SEC14L1: variants seen among roughly 807,000 people sequenced by gnomAD.
SEC14L1 encodes the protein SEC14-like protein 1.
SEC14L1 carries 48 observed loss-of-function variants against 85.3 expected under a neutral mutation model. The observed-to-expected ratio is 0.56, with a 90% CI of 0.45 to 0.72. The LOEUF (loss-of-function observed/expected upper bound fraction) is 0.72, where lower values mean the gene tolerates loss of function less well. Ranked by LOEUF, SEC14L1 falls within the 30% of genes least tolerant of loss-of-function variation. SEC14L1 has a pLI of 0.00. For missense variants in SEC14L1, 682 were observed against 921.4 expected (o/e 0.74, Z 3.36); for synonymous variants, 391 against 355.5 (o/e 1.10, Z -1.12).
chr17:77,202,339 C>G (rs1434043759), intron 9 of SEC14L1, among the ~76,000 whole-genome samples: 1 of 151,908 alleles, frequency 6.6e-6, no homozygotes, highest in Non-Finnish European at 1.5e-5. Flanking sequence ...AAAAAGGAGG[C>G]TGGGCGCGGT....
At position 77,206,501 on chromosome 17, in the gene SEC14L1, G is replaced by GA. The variant is rs1246205552; in HGVS notation, c.1341+109dup. 8.5e-5 allele frequency: 117 copies of GA among 1,383,580 alleles called. No individual in the cohort carries two copies. The highest frequency in any genetic ancestry group is 9.9e-5 in the Admixed American group (4 of 40,462). The allele number at this position is 1,383,580 out of a possible 1,614,324, so 85.7% of individuals were successfully genotyped here. ...GTGACCTAAAGTCTTAACTTCTTAG[G>GA]AAAAAAAACAATAACATGCAAAGAT... On this transcript the variant is annotated intron_variant, in intron 12 of 16. Coordinates refer to ENST00000436233, the MANE Select transcript of SEC14L1 (RefSeq NM_001143998.2). The surrounding 1 kb of genome is among the most constrained non-coding windows in gnomAD (Gnocchi z 4.3).
chr17:77,143,690 G>A (rs370628215), intron 3 of SEC14L1, 31 bp downstream of exon 3: 1 of 1,489,808 alleles, frequency 6.7e-7, no homozygotes. Flanking sequence ...TTTACTCTTT[G>A]GCTTCTTATT....
intron 3 of SEC14L1, among the ~76,000 whole-genome samples, chr17:77,126,660 C>T (rs139497794): frequency 5.3e-5 from 8 of 152,330 alleles, no homozygotes; most frequent in African/African-American, 1.7e-4. Flanking sequence ...TCCAGGTGCA[C>T]GGGAACCTTG....
At chr17:77,166,726 CT>C (rs1432353351) in intron 3 of SEC14L1, among the ~76,000 whole-genome samples, 1 of 152,114 alleles carries the variant, frequency 6.6e-6, no homozygotes, top group Non-Finnish European at 1.5e-5. Flanking sequence ...GTAGTCCCAG[CT>C]ACTTCAGAGG....
At chr17:77,134,351 G>A (rs1297521380) in intron 3 of SEC14L1, among the ~76,000 whole-genome samples, 1 of 151,594 alleles carries the variant, frequency 6.6e-6, no homozygotes, top group Non-Finnish European at 1.5e-5. Context: ...CTGGGTTCAA[G>A]TGATCCTACT....
intron 3 of SEC14L1, among the ~76,000 whole-genome samples, chr17:77,188,578 C>A (rs1975378227): frequency 1.3e-5 from 2 of 152,080 alleles, no homozygotes; most frequent in Non-Finnish European, 2.9e-5. Flanking sequence ...TTTCCAGTTT[C>A]TATTATGAGT....
At chr17:77,181,491 C>T (rs1975035057) in intron 3 of SEC14L1, among the ~76,000 whole-genome samples, 1 of 152,244 alleles carries the variant, frequency 6.6e-6, no homozygotes, top group South Asian at 2.1e-4. Context: ...CAGCTCACTG[C>T]ATCCTCCGCC....
At position 77,214,886 on chromosome 17, in the gene SEC14L1, G is replaced by T. The variant is rs1976963152; in HGVS notation, c.*863G>T. 10 of 985,458 alleles carry T rather than the reference G, an allele frequency of 1.0e-5. No homozygotes were observed. Among genetic ancestry groups the T allele is most frequent in the Non-Finnish European group, 1.2e-5 (10 of 829,970 alleles). 61.0% of individuals were successfully genotyped at this position (985,458 alleles called of 1,614,324 possible). A position where few individuals can be genotyped will look rare whatever the true frequency, so the allele number is the denominator to read the frequency against. ...CCTCTGGTGGCTCATTGTCCTCAGA[G>T]CCCAGACAGTTCCAGCCACTAGGAG... On this transcript the variant is annotated 3_prime_UTR_variant, in exon 17 of 17. Coordinates refer to ENST00000436233, the MANE Select transcript of SEC14L1 (RefSeq NM_001143998.2).
At chr17:77,189,184 C>T (rs1007840554) in intron 3 of SEC14L1, among the ~76,000 whole-genome samples, 14 of 152,128 alleles carry the variant, frequency 9.2e-5, no homozygotes, top group Non-Finnish European at 1.8e-4. Context: ...AATGAGTGTT[C>T]TCATGAGCTG....
intron 3 of SEC14L1, among the ~76,000 whole-genome samples, chr17:77,097,083 G>A (rs1452823602): frequency 6.6e-6 from 1 of 152,248 alleles, no homozygotes; most frequent in African/African-American, 2.4e-5. Flanking sequence ...CCCAGTGCCA[G>A]CTGGTGAGAA....
chr17:77,172,029 G>C (rs931869591), intron 3 of SEC14L1, among the ~76,000 whole-genome samples: 40 of 152,216 alleles, frequency 2.6e-4, no homozygotes, highest in Middle Eastern at 6.8e-3. Flanking sequence ...TATTTACTGA[G>C]CGGTCCTTAT....
intron 3 of SEC14L1, among the ~76,000 whole-genome samples, chr17:77,149,863 T>G (rs1023533316): frequency 2.6e-5 from 4 of 151,994 alleles, no homozygotes; most frequent in Non-Finnish European, 5.9e-5. Flanking sequence ...TGTGTTTTTT[T>G]TTTTTTTTTT....
chr17:77,204,053 A>G (rs1016576802), intron 10 of SEC14L1, among the ~76,000 whole-genome samples: 4 of 152,026 alleles, frequency 2.6e-5, no homozygotes, highest in African/African-American at 9.7e-5. Context: ...CTGCTGACCC[A>G]TCATCTCGCT....
At chr17:77,179,244 C>T (rs1420936914) in intron 3 of SEC14L1, among the ~76,000 whole-genome samples, 7 of 152,092 alleles carry the variant, frequency 4.6e-5, no homozygotes, top group African/African-American at 1.7e-4. Flanking sequence ...TGCTTTATAC[C>T]ATTGCGTGGT....
rs374472562 is a variant in SEC14L1, at chr17:77,216,212, C to T, written c.*2189C>T. The T allele has an allele frequency of 7.9e-4, 717 of 913,366 alleles. 65 individuals carry two copies. The Admixed American group carries it at 0.01, about 13-fold the overall frequency. 56.6% of individuals were successfully genotyped at this position (913,366 alleles called of 1,614,324 possible). A position where few individuals can be genotyped will look rare whatever the true frequency, so the allele number is the denominator to read the frequency against. The stretch of plus-strand genomic sequence containing the variant: ...TAGTAGGTAGGGCTAGTAGGTAGGG[C>T]TAGTAGGTAGGGTTCGTAGGTAGGG... On this transcript the variant is annotated 3_prime_UTR_variant, in exon 17 of 17. Transcript: ENST00000436233.
chr17:77,092,380 A>G (rs577490), intron 2 of SEC14L1, among the ~76,000 whole-genome samples: 137,046 of 152,112 alleles, frequency 0.9, 61,942 homozygotes, highest in African/African-American at 0.97. Flanking sequence ...TTTTCTGTTG[A>G]ACCCTTCAGG....
At chr17:77,200,950 C>T (rs1340842562) in intron 9 of SEC14L1, among the ~76,000 whole-genome samples, 1 of 152,224 alleles carries the variant, frequency 6.6e-6, no homozygotes, top group Non-Finnish European at 1.5e-5. Context: ...TTGCTCGGTG[C>T]AGTACAGTTT....
At chr17:77,141,695 C>G (rs1054964997) in intron 1 of SEC14L1, 2 of 152,224 alleles carry the variant, frequency 1.3e-5, no homozygotes, top group Non-Finnish European at 2.9e-5. Context: ...CTGTGGTTCA[C>G]AAGCTCGTGA....
At chr17:77,200,448 T>C (rs777716143) in intron 8 of SEC14L1, 36 bp from the exon 9 acceptor site, 6 of 1,586,536 alleles carry the variant, frequency 3.8e-6, no homozygotes, top group Non-Finnish European at 5.2e-6. Context: ...TTCACAACTT[T>C]TAACATTGCT....
Sources: gnomAD v4.1 joint callset for allele counts (sites outside exome capture counted in the v4.1 genomes callset) on GRCh38, gnomAD v4.1.1 for gene constraint, Gnocchi (gnomAD v3.1) non-coding constraint, MANE v1.5 for transcripts, NCBI Gene and HGNC (gene_info 2026-07-23, HGNC 2026-07-21) for gene names.